The following PLCL1 variants were observed in gnomAD, a reference collection of about 807,000 sequenced individuals.
The protein encoded by PLCL1 is phospholipase C like 1 (inactive).
PLCL1 carries 41 observed loss-of-function variants against 84.4 expected under a neutral mutation model. That is an observed-to-expected ratio of 0.49 (90% CI 0.38 to 0.63). The LOEUF (loss-of-function observed/expected upper bound fraction) is 0.63. Among genes scored for constraint, PLCL1 ranks in the 30% least tolerant of loss-of-function variants. The probability of loss-of-function intolerance (pLI) is 0.00; values close to 1 mark genes in which losing one functional copy is unlikely to be tolerated. For synonymous variants in PLCL1, 490 were observed against 488.3 expected, an observed-to-expected ratio of 1.00 and a Z score of -0.05; for missense variants, 1,206 against 1,367.8, an observed-to-expected ratio of 0.88 and a Z score of 1.87.
intron 1 of PLCL1, among the ~76,000 whole-genome samples, chr2:197,942,907 C>T (rs1689188840): frequency 6.6e-6 from 1 of 152,070 alleles, no homozygotes; most frequent in Non-Finnish European, 1.5e-5. Context: ...GCAGTAATCC[C>T]CTTATAATAG....
At chr2:197,913,862 G>T (rs1409807711) in intron 1 of PLCL1, among the ~76,000 whole-genome samples, 1 of 151,958 alleles carries the variant, frequency 6.6e-6, no homozygotes, top group Non-Finnish European at 1.5e-5. Context: ...TCATAAAAGG[G>T]TAGGGAATGT....
chr2:198,126,193 C>G (rs1693979403), intron 5 of PLCL1, among the ~76,000 whole-genome samples: 2 of 152,122 alleles, frequency 1.3e-5, no homozygotes, highest in Admixed American at 1.3e-4. Flanking sequence ...CTCTGCAGTT[C>G]TCCAAATATC....
At chr2:197,935,022 A>T (rs976748751) in intron 1 of PLCL1, among the ~76,000 whole-genome samples, 4 of 152,250 alleles carry the variant, frequency 2.6e-5, no homozygotes, top group Non-Finnish European at 4.4e-5. Flanking sequence ...GCCAACTAGC[A>T]TATGAAAAAA....
chr2:198,039,868 G>A (rs1268970033), intron 1 of PLCL1, among the ~76,000 whole-genome samples: 1 of 152,122 alleles, frequency 6.6e-6, no homozygotes, highest in Non-Finnish European at 1.5e-5. Context: ...TTTTTCAGCT[G>A]CTATGTTCTA....
intron 1 of PLCL1, among the ~76,000 whole-genome samples, chr2:197,873,244 G>A (rs1183298207): frequency 6.6e-6 from 1 of 151,850 alleles, no homozygotes; most frequent in African/African-American, 2.4e-5. Context: ...CCTTTAGGGT[G>A]GGGGTAAAAA....
intron 1 of PLCL1, among the ~76,000 whole-genome samples, chr2:197,835,767 T>C (rs1691174252): frequency 6.6e-6 from 1 of 152,250 alleles, no homozygotes; most frequent in South Asian, 2.1e-4. Flanking sequence ...AATAGGCATT[T>C]AATAAATGAT....
At chr2:198,057,602 G>A (rs1692099117) in intron 1 of PLCL1, among the ~76,000 whole-genome samples, 2 of 152,086 alleles carry the variant, frequency 1.3e-5, no homozygotes, top group Non-Finnish European at 2.9e-5. Flanking sequence ...TATAATTTGT[G>A]TACTTTTCTG....
chr2:197,851,404 G>T (rs540714657), intron 1 of PLCL1, among the ~76,000 whole-genome samples: 1 of 152,322 alleles, frequency 6.6e-6, no homozygotes, highest in African/African-American at 2.4e-5. Flanking sequence ...AATCTGAAGA[G>T]TTTTTTCTAT....
chr2:198,012,840 A>G (rs1690903667), intron 1 of PLCL1, among the ~76,000 whole-genome samples: 1 of 151,916 alleles, frequency 6.6e-6, no homozygotes, highest in Admixed American at 6.6e-5. Flanking sequence ...TCTGATGACA[A>G]AGCATACCTT....
At chr2:198,064,442 T>C (rs559968558) in intron 1 of PLCL1, among the ~76,000 whole-genome samples, 19 of 152,304 alleles carry the variant, frequency 1.2e-4, no homozygotes, top group South Asian at 4.1e-4. Flanking sequence ...TTGTCCATAT[T>C]ACCAGTGCAA....
intron 1 of PLCL1, among the ~76,000 whole-genome samples, chr2:198,041,815 G>A (rs1342761174): frequency 6.6e-6 from 1 of 152,190 alleles, no homozygotes; most frequent in African/African-American, 2.4e-5. Context: ...TATTCTAGGT[G>A]AAGAGAGCAA....
At chr2:198,113,220 C>A (rs1693663996) in intron 5 of PLCL1, among the ~76,000 whole-genome samples, 1 of 151,888 alleles carries the variant, frequency 6.6e-6, no homozygotes, top group Non-Finnish European at 1.5e-5. Flanking sequence ...TATTTCCACA[C>A]TGACATTTAT....
At chr2:198,049,532 G>T (rs1691879036) in intron 1 of PLCL1, among the ~76,000 whole-genome samples, 1 of 152,134 alleles carries the variant, frequency 6.6e-6, no homozygotes, top group Non-Finnish European at 1.5e-5. Flanking sequence ...AAGGTGGATG[G>T]CAGAGAGAGA....
intron 1 of PLCL1, among the ~76,000 whole-genome samples, chr2:198,007,937 C>T (rs562264600): frequency 5.9e-5 from 9 of 152,120 alleles, no homozygotes; most frequent in East Asian, 1.9e-4. Context: ...TCATTGAAAG[C>T]GAGTACTAAT....
intron 1 of PLCL1, among the ~76,000 whole-genome samples, chr2:197,880,460 A>G (rs1323906614): frequency 6.6e-6 from 1 of 152,176 alleles, no homozygotes; most frequent in Non-Finnish European, 1.5e-5. Context: ...GATCTGAAAG[A>G]GTTAATTTTG....
intron 1 of PLCL1, among the ~76,000 whole-genome samples, chr2:197,823,484 T>C (rs749174020): frequency 1.3e-5 from 2 of 152,110 alleles, no homozygotes; most frequent in Admixed American, 6.6e-5. Flanking sequence ...TATTTGGAAA[T>C]AGGAAAATAA....
At chr2:197,947,345 G>T (rs1574963419) in intron 1 of PLCL1, among the ~76,000 whole-genome samples, 2 of 151,638 alleles carry the variant, frequency 1.3e-5, no homozygotes, top group East Asian at 3.9e-4. Flanking sequence ...TTAAAACACA[G>T]ATTGTTTGGC....
At chr2:197,876,757 T>G (rs1051142837) in intron 1 of PLCL1, among the ~76,000 whole-genome samples, 5 of 152,166 alleles carry the variant, frequency 3.3e-5, no homozygotes, top group Admixed American at 6.5e-5. Flanking sequence ...GTTCAGATAT[T>G]TTATTTCAGC....
intron 5 of PLCL1, among the ~76,000 whole-genome samples, chr2:198,133,648 G>T (rs1278087037): frequency 2.0e-5 from 3 of 151,968 alleles, no homozygotes; most frequent in Non-Finnish European, 4.4e-5. Context: ...ATTTAATGGT[G>T]CATATTCCAT....
Sources: allele counts gnomAD v4.1 joint callset (sites outside exome capture counted in the v4.1 genomes callset), GRCh38; gene constraint gnomAD v4.1.1; transcripts MANE v1.5; gene names NCBI Gene and HGNC (gene_info 2026-07-23, HGNC 2026-07-21).